The following CALN1 variants were observed in gnomAD, a reference collection of about 807,000 sequenced individuals.
CALN1 encodes the protein calneuron 1.
A neutral mutation model predicts 30.6 loss-of-function variants in CALN1; 17 were observed. The observed-to-expected ratio is 0.56, with a 90% CI of 0.38 to 0.83. The LOEUF (loss-of-function observed/expected upper bound fraction) is 0.83, where lower values mean the gene tolerates loss of function less well. CALN1 is among the 40% of genes least tolerant of loss of function. CALN1 has a pLI of 0.00. For missense variants in CALN1, 291 were observed against 354.9 expected (o/e 0.82, Z 1.45); for synonymous variants, 156 against 131.4 (o/e 1.19, Z -1.28).
chr7:71,851,814 A>C (rs1029886938), intron 5 of CALN1, among the ~76,000 whole-genome samples: 1 of 152,078 alleles, frequency 6.6e-6, no homozygotes. Flanking sequence ...AAAAGTGCAC[A>C]AACAAACAAA....
chr7:71,824,563 C>T (rs1356926045), intron 5 of CALN1, among the ~76,000 whole-genome samples: 1 of 152,096 alleles, frequency 6.6e-6, no homozygotes, highest in Non-Finnish European at 1.5e-5. Context: ...TCGTCCCTGA[C>T]TCATACTGGG....
chr7:72,320,037 C>T (rs987588243), intron 2 of CALN1, among the ~76,000 whole-genome samples: 3 of 152,148 alleles, frequency 2.0e-5, no homozygotes, highest in Admixed American at 6.5e-5. Flanking sequence ...AGGAGAATCA[C>T]TTGAACCCAG....
chr7:72,056,438 A>T (rs796727199), intron 4 of CALN1, among the ~76,000 whole-genome samples: 11 of 152,304 alleles, frequency 7.2e-5, no homozygotes, highest in African/African-American at 2.4e-4. Flanking sequence ...AATGGAAAAA[A>T]GGAGGCTTAG....
At chr7:72,092,283 T>C (rs1343268444) in intron 4 of CALN1, among the ~76,000 whole-genome samples, 2 of 152,170 alleles carry the variant, frequency 1.3e-5, no homozygotes, top group Non-Finnish European at 1.5e-5. Flanking sequence ...GTTTATTGTA[T>C]TGTAGTCAAA....
At chr7:71,924,186 T>G (rs1795133526) in intron 5 of CALN1, among the ~76,000 whole-genome samples, 1 of 112,738 alleles carries the variant, frequency 8.9e-6, no homozygotes, top group Non-Finnish European at 1.7e-5. Flanking sequence ...AGAGTGAAAC[T>G]CAGTCTCAAA....
chr7:71,826,693 T>C (rs1318510720), intron 5 of CALN1, among the ~76,000 whole-genome samples: 1 of 152,182 alleles, frequency 6.6e-6, no homozygotes, highest in Non-Finnish European at 1.5e-5. Context: ...GGTGTGAATC[T>C]GTTGTTCCCA....
intron 3 of CALN1, among the ~76,000 whole-genome samples, chr7:72,225,033 T>G (rs1206022527): frequency 3.3e-5 from 5 of 149,876 alleles, no homozygotes; most frequent in Non-Finnish European, 5.9e-5. Context: ...ACCCAGGAGG[T>G]GGAGCTTGCA....
At chr7:71,951,452 A>G (rs898470024) in intron 5 of CALN1, among the ~76,000 whole-genome samples, 3 of 152,122 alleles carry the variant, frequency 2.0e-5, no homozygotes, top group Non-Finnish European at 2.9e-5. Context: ...TTAGCTGGGC[A>G]TGATGGTGCG....
intron 6 of CALN1, among the ~76,000 whole-genome samples, chr7:71,801,874 A>G (rs1744909180): frequency 1.3e-5 from 2 of 151,880 alleles, no homozygotes; most frequent in South Asian, 2.1e-4. Context: ...GCTACTCAGG[A>G]GACTGAGGCA....
intron 4 of CALN1, among the ~76,000 whole-genome samples, chr7:72,088,573 C>T (rs1805633094): frequency 6.6e-6 from 1 of 151,724 alleles, no homozygotes; most frequent in African/African-American, 2.4e-5. Flanking sequence ...GTGACGCGTG[C>T]CTGTAATCCG....
chr7:72,010,170 C>CA (rs1302836546), intron 5 of CALN1, among the ~76,000 whole-genome samples: 6 of 152,096 alleles, frequency 3.9e-5, no homozygotes, highest in Non-Finnish European at 7.3e-5. Context: ...TCCTAACCCC[C>CA]ATTGTGATGG....
chr7:72,000,390 C>A (rs868513992), intron 5 of CALN1, among the ~76,000 whole-genome samples: 1 of 151,684 alleles, frequency 6.6e-6, no homozygotes, highest in African/African-American at 2.4e-5. Context: ...TAGGGGAATA[C>A]TATGAATAAT....
intron 3 of CALN1, among the ~76,000 whole-genome samples, chr7:72,122,313 T>C (rs1173096003): frequency 2.6e-5 from 4 of 152,100 alleles, no homozygotes; most frequent in Non-Finnish European, 4.4e-5. Flanking sequence ...TTAGCATAGA[T>C]ATGCAGGCCA....
intron 5 of CALN1, among the ~76,000 whole-genome samples, chr7:71,839,014 T>C (rs1789779705): frequency 6.6e-6 from 1 of 152,118 alleles, no homozygotes; most frequent in Non-Finnish European, 1.5e-5. Context: ...CTCACCATGT[T>C]GCTCAGGCTG....
At chr7:72,195,841 G>A (rs1044055977) in intron 3 of CALN1, among the ~76,000 whole-genome samples, 3 of 152,010 alleles carry the variant, frequency 2.0e-5, no homozygotes, top group South Asian at 2.1e-4. Flanking sequence ...TTTAGTCCAC[G>A]AATTGAAAAA....
At chr7:72,402,847 T>C (rs938084720) in intron 2 of CALN1, among the ~76,000 whole-genome samples, 2 of 152,208 alleles carry the variant, frequency 1.3e-5, no homozygotes, top group African/African-American at 4.8e-5. Flanking sequence ...AGCTGCCTGT[T>C]TGTGTTACTT....
intron 6 of CALN1, among the ~76,000 whole-genome samples, chr7:71,801,455 T>A (rs1324629123): frequency 1.3e-5 from 2 of 151,442 alleles, no homozygotes; most frequent in Non-Finnish European, 2.9e-5. Flanking sequence ...TATCTATCTA[T>A]CTATCTATCT....
rs191508505 is a variant in CALN1 at position 72,087,173 on chromosome 7, T to C, written c.388+18978A>G. On this transcript the variant is annotated intron_variant, in intron 4 of 6. Transcript: ENST00000395275. ...AGAGCGTCTGAAATAACAATTACTA[T>C]TGTTTTGATCTAAATGTTTCACCCA... Among the ~76,000 whole-genome samples, 41 of 152,302 alleles carry C rather than the reference T, an allele frequency of 2.7e-4. 1 individual carries two copies. In the East Asian group the frequency reaches 7.5e-3, roughly 28 times the overall value.
chr7:72,396,258 G>GAAAAAA (rs1554399594), intron 2 of CALN1, among the ~76,000 whole-genome samples: 8 of 109,668 alleles, frequency 7.3e-5, no homozygotes, highest in Non-Finnish European at 1.2e-4. Flanking sequence ...AAAAAAAAAA[G>GAAAAAA]AAAGAAAAAG....
Sources: gnomAD v4.1 joint callset for allele counts (sites outside exome capture counted in the v4.1 genomes callset) on GRCh38, gnomAD v4.1.1 for gene constraint, MANE v1.5 for transcripts, NCBI Gene and HGNC (gene_info 2026-07-23, HGNC 2026-07-21) for gene names.